The following MCF2L variants were observed in gnomAD, a reference collection of about 807,000 sequenced individuals.
MCF2L encodes the protein guanine nucleotide exchange factor DBS.
Under a neutral mutation model 153.4 loss-of-function variants are expected in MCF2L, and 97 were observed. That is an observed-to-expected ratio of 0.63 (90% CI 0.54 to 0.75). The LOEUF is 0.75. Ranked by LOEUF, MCF2L falls within the 30% of genes least tolerant of loss-of-function variation. The pLI, the probability that MCF2L is intolerant of heterozygous loss-of-function variation, is 0.00. For missense variants in MCF2L, 1,347 were observed against 1,495.2 expected (o/e 0.90, Z 1.64); for synonymous variants, 659 against 632.2 (o/e 1.04, Z -0.64).
At chr13:113,049,110 G>GGC (rs1198344441) in intron 4 of MCF2L, among the ~76,000 whole-genome samples, 1 of 112,688 alleles carries the variant, frequency 8.9e-6, no homozygotes, top group Non-Finnish European at 1.9e-5. Flanking sequence ...TGATGATGGT[G>GGC]GACATTGGAT....
chr13:112,957,701 C>T (rs961698964), intron 2 of MCF2L: 1 of 152,164 alleles, frequency 6.6e-6, no homozygotes, highest in African/African-American at 2.4e-5. Flanking sequence ...TACAATATCT[C>T]ATTTTCATGG....
intron 2 of MCF2L, chr13:112,910,583 TAA>T (rs1476854840): frequency 6.6e-6 from 1 of 152,272 alleles, no homozygotes; most frequent in Admixed American, 6.5e-5. Context: ...GTAAAAGACT[TAA>T]GATATGCACC....
intron 1 of MCF2L, among the ~76,000 whole-genome samples, chr13:112,972,135 C>T (rs897454042): frequency 2.0e-5 from 3 of 152,192 alleles, no homozygotes; most frequent in Non-Finnish European, 2.9e-5. Flanking sequence ...TTAAATCTAG[C>T]CCCACCTTTT....
At chr13:113,062,530 C>G (rs1048659392) in intron 5 of MCF2L, among the ~76,000 whole-genome samples, 1 of 152,090 alleles carries the variant, frequency 6.6e-6, no homozygotes, top group African/African-American at 2.4e-5. Context: ...ACGGGTCATC[C>G]ATGCCACAGG....
intron 2 of MCF2L, among the ~76,000 whole-genome samples, chr13:112,959,960 C>T (rs2081804183): frequency 1.3e-5 from 2 of 152,232 alleles, no homozygotes; most frequent in African/African-American, 2.4e-5. Flanking sequence ...GGCAGCAGCA[C>T]CTCCTGCAGG....
intron 2 of MCF2L, among the ~76,000 whole-genome samples, chr13:112,914,451 T>C (rs1156633054): frequency 2.0e-5 from 3 of 152,168 alleles, no homozygotes; most frequent in African/African-American, 7.2e-5. Context: ...ATTAGTAACC[T>C]AGTATACATG....
In MCF2L at chr13:113,078,442, G is replaced by T. The variant is rs199544225; in HGVS notation, c.1734+6G>T. On this transcript the variant is annotated splice_donor_region_variant and intron_variant, in intron 14 of 29. Transcript: ENST00000535094. ...GGCCCTACCGGAGGGCCAAGGTGAG[G>T]CTTGCCCAAGACAACCCCGCCATCC... 2.1e-3 allele frequency: 3,301 copies of T among 1,608,948 alleles called. 6 individuals carry two copies. Among genetic ancestry groups the T allele is most frequent in the Non-Finnish European group, 2.6e-3 (3,006 of 1,177,968 alleles).
At chr13:113,082,590 C>A (rs766406438) in intron 17 of MCF2L, 48 bp downstream of exon 17, 5 of 1,349,768 alleles carry the variant, frequency 3.7e-6, no homozygotes, top group Non-Finnish European at 1.1e-6. Flanking sequence ...TCTCTTGCAG[C>A]TAATGGTGCT....
rs1317378157 is a variant in MCF2L, at chr13:112,943,245, ACGCCTGTGCCCGCGG to A, written c.169+40884_169+40898del. 6.6e-6 allele frequency among the ~76,000 whole-genome samples: 1 copy of A among 151,872 alleles called. No individual in the cohort carries two copies. The highest frequency in any genetic ancestry group is 6.5e-5 in the Admixed American group (1 of 15,274). On this transcript the variant is annotated intron_variant, in intron 2 of 29. Coordinates refer to the MCF2L transcript ENST00000375608. The surrounding 1 kb of genome is among the most constrained non-coding windows in gnomAD (Gnocchi z 4.2). ...TCCCACTGGCACAGGTGGGGCGGCC[ACGCCTGTGCCCGCGG>A]CGCCTGTGCTGAGTCCCGACGCTGT...
intron 1 of MCF2L, among the ~76,000 whole-genome samples, chr13:112,895,143 C>T (rs1269304696): frequency 6.6e-6 from 1 of 152,168 alleles, no homozygotes; most frequent in Non-Finnish European, 1.5e-5. Flanking sequence ...TGGCTCTTCT[C>T]CCAGCTGTGG....
intron 1 of MCF2L, among the ~76,000 whole-genome samples, chr13:113,002,953 G>C (rs2083463903): frequency 6.6e-6 from 1 of 151,484 alleles, no homozygotes; most frequent in African/African-American, 2.4e-5. Flanking sequence ...AGGATCGCTT[G>C]AGCCCAGGAG....
At chr13:112,913,938 A>G (rs1197591781) in intron 2 of MCF2L, among the ~76,000 whole-genome samples, 1 of 152,192 alleles carries the variant, frequency 6.6e-6, no homozygotes, top group Non-Finnish European at 1.5e-5. Context: ...TTTCCTGCCA[A>G]GAATCCATCA....
At chr13:112,953,435 G>A (rs1193010701) in intron 2 of MCF2L, among the ~76,000 whole-genome samples, 3 of 152,174 alleles carry the variant, frequency 2.0e-5, no homozygotes, top group African/African-American at 7.2e-5. Flanking sequence ...AATTGATATG[G>A]TGTCCGCTCC....
At chr13:112,998,809 C>T (rs906659028) in intron 1 of MCF2L, among the ~76,000 whole-genome samples, 1 of 152,160 alleles carries the variant, frequency 6.6e-6, no homozygotes, top group Non-Finnish European at 1.5e-5. Context: ...GGACAGAAAC[C>T]AGCCTGAGGC....
intron 3 of MCF2L, among the ~76,000 whole-genome samples, chr13:113,032,716 T>A (rs768826116): frequency 2.0e-5 from 3 of 152,164 alleles, no homozygotes; most frequent in Non-Finnish European, 2.9e-5. Flanking sequence ...ACTGCAGGCA[T>A]GAGCCACCAC....
At chr13:113,012,432 G>T (rs73576804) in intron 1 of MCF2L, among the ~76,000 whole-genome samples, 12,361 of 98,182 alleles carry the variant, frequency 0.13, 2,846 homozygotes, top group East Asian at 0.4. Flanking sequence ...CAGTGTGGAC[G>T]GTGGACACTG....
At chr13:113,026,715 C>G (rs972934303) in intron 3 of MCF2L, among the ~76,000 whole-genome samples, 1 of 152,248 alleles carries the variant, frequency 6.6e-6, no homozygotes, top group Admixed American at 6.5e-5. Context: ...GTGGCCGCCT[C>G]CTGCCCTTTC....
intron 2 of MCF2L, among the ~76,000 whole-genome samples, chr13:112,954,880 TG>T (rs929385077): frequency 6.6e-6 from 1 of 152,164 alleles, no homozygotes; most frequent in African/African-American, 2.4e-5. Context: ...GTCCAGCACC[TG>T]GGGGGCCTGT....
chr13:113,087,851 C>G, intron 23 of MCF2L, 52 bp downstream of exon 23: 1 of 1,470,442 alleles, frequency 6.8e-7, no homozygotes, highest in Non-Finnish European at 9.5e-7. Flanking sequence ...CGAATGGTTT[C>G]TCATGGGAAC....
Sources: gnomAD v4.1 joint callset for allele counts (sites outside exome capture counted in the v4.1 genomes callset) on GRCh38, gnomAD v4.1.1 for gene constraint, Gnocchi (gnomAD v3.1) non-coding constraint, MANE v1.5 for transcripts, NCBI Gene and HGNC (gene_info 2026-07-23, HGNC 2026-07-21) for gene names.